The following ARHGAP18 variants were observed in gnomAD, a reference collection of about 807,000 sequenced individuals.
ARHGAP18 encodes Rho GTPase activating protein 18, also known as rho GTPase-activating protein 18.
A neutral mutation model predicts 86.2 loss-of-function variants in ARHGAP18; 67 were observed. That is an observed-to-expected ratio of 0.78 (90% confidence interval 0.64 to 0.95). The LOEUF is 0.95. Ranked by LOEUF, ARHGAP18 falls within the 40% of genes least tolerant of loss-of-function variation. ARHGAP18 has a pLI of 0.00. For synonymous variants in ARHGAP18, 283 were observed against 280.4 expected (o/e 1.01, Z -0.09); for missense variants, 691 against 780.4 (o/e 0.89, Z 1.37).
intron 1 of ARHGAP18, among the ~76,000 whole-genome samples, chr6:129,679,600 G>C (rs1774291703): frequency 6.6e-6 from 1 of 152,204 alleles, no homozygotes; most frequent in South Asian, 2.1e-4. Flanking sequence ...AAGTTAATCT[G>C]ACCATCAGAA....
chr6:129,604,747 C>G (rs1255247147), intron 10 of ARHGAP18, among the ~76,000 whole-genome samples: 1 of 152,190 alleles, frequency 6.6e-6, no homozygotes, highest in Non-Finnish European at 1.5e-5. Flanking sequence ...CTGGGTTATT[C>G]ATTTGACAAC....
At chr6:129,610,658 C>T (rs1027029898) in intron 8 of ARHGAP18, among the ~76,000 whole-genome samples, 3 of 151,996 alleles carry the variant, frequency 2.0e-5, no homozygotes, top group Non-Finnish European at 2.9e-5. Flanking sequence ...GACGAAGTCT[C>T]GCACTGTTGC....
rs113126032 is a variant in ARHGAP18, at chr6:129,603,058, T to C, written c.1366-2210A>G. ...GTTTTTGCTTACATGGGTAAGTTCT[T>C]TTGCGGTGATTTCTAAGATTTTGGT... On this transcript the variant is annotated intron_variant, in intron 10 of 14. Coordinates refer to ENST00000368149, the MANE Select transcript of ARHGAP18 (RefSeq NM_033515.3). 1.1e-3 allele frequency among the ~76,000 whole-genome samples: 161 copies of C among 151,938 alleles called. 1 individual carries two copies. Among genetic ancestry groups the C allele is most frequent in the African/African-American group, 3.7e-3 (154 of 41,460 alleles).
At chr6:129,647,634 A>C (rs1479800083) in intron 1 of ARHGAP18, among the ~76,000 whole-genome samples, 1 of 152,256 alleles carries the variant, frequency 6.6e-6, no homozygotes, top group East Asian at 1.9e-4. Context: ...CAGAAGAATA[A>C]AATTTATTTT....
rs751593310 is a variant in ARHGAP18, at chr6:129,607,849, A to G, written c.1282+44T>C. 43 of 1,535,324 alleles carry G rather than the reference A, an allele frequency of 2.8e-5. No individual in the cohort carries two copies. The South Asian group carries it at 5.2e-4, about 19-fold the overall frequency. The stretch of plus-strand genomic sequence containing the variant: ...AATGTCATTAAAACAATTAACATAG[A>G]TGGCACCAGCAGAAGGACTGCTTCA... On this transcript the variant is annotated intron_variant, in intron 9 of 14. Transcript: ENST00000368149.
chr6:129,623,797 T>C (rs991603244), intron 5 of ARHGAP18, among the ~76,000 whole-genome samples: 2 of 152,294 alleles, frequency 1.3e-5, no homozygotes, highest in Non-Finnish European at 1.5e-5. Flanking sequence ...AAAAAATACA[T>C]GGACAGATTA....
At chr6:129,602,987 T>TTATATATATATA (rs34563210) in intron 10 of ARHGAP18, among the ~76,000 whole-genome samples, 6,966 of 146,534 alleles carry the variant, frequency 0.048, 214 homozygotes, top group Non-Finnish European at 0.071. Context: ...AATTTCCCCT[T>TTATATATATATA]TATATATATA....
At chr6:129,590,006 A>T (rs1010530292) in intron 12 of ARHGAP18, among the ~76,000 whole-genome samples, 1 of 152,162 alleles carries the variant, frequency 6.6e-6, no homozygotes, top group African/African-American at 2.4e-5. Flanking sequence ...GCCAGGAAAA[A>T]GATGAAGGCC....
rs537202847 is a variant in ARHGAP18, at chr6:129,629,573, A to T, written c.617-51T>A. On this transcript the variant is annotated intron_variant, in intron 4 of 14. Coordinates refer to ENST00000368149, the MANE Select transcript of ARHGAP18 (RefSeq NM_033515.3). ...AATTCATATGCTTTATTTATTTTTT[A>T]AAAAAAATTCTAATGCATTCGCTAC... 1,713 of 1,545,566 alleles carry T rather than the reference A, an allele frequency of 1.1e-3. 5 individuals carry two copies. Among genetic ancestry groups the T allele is most frequent in the Admixed American group, 1.6e-3 (75 of 46,188 alleles).
At chr6:129,653,857 A>ACAT (rs1773770110) in intron 1 of ARHGAP18, among the ~76,000 whole-genome samples, 1 of 152,144 alleles carries the variant, frequency 6.6e-6, no homozygotes, top group Non-Finnish European at 1.5e-5. Context: ...AGCCTGGGCA[A>ACAT]CATAGTGAGA....
intron 1 of ARHGAP18, among the ~76,000 whole-genome samples, chr6:129,696,969 G>A (rs568024809): frequency 1.1e-4 from 17 of 152,248 alleles, no homozygotes; most frequent in East Asian, 7.7e-4. Context: ...CCATCCTCTC[G>A]AATCTAGGTT....
At chr6:129,602,880 A>G (rs1788775933) in intron 10 of ARHGAP18, among the ~76,000 whole-genome samples, 1 of 152,060 alleles carries the variant, frequency 6.6e-6, no homozygotes, top group African/African-American at 2.4e-5. Context: ...TACTATCAGA[A>G]TACTAGAGAA....
At chr6:129,591,301 T>G (rs1383739808) in intron 12 of ARHGAP18, among the ~76,000 whole-genome samples, 1 of 152,176 alleles carries the variant, frequency 6.6e-6, no homozygotes, top group Admixed American at 6.5e-5. Flanking sequence ...TTCACATGTT[T>G]TAATCTAAAA....
intron 1 of ARHGAP18, among the ~76,000 whole-genome samples, chr6:129,667,023 T>C (rs1774052673): frequency 6.6e-6 from 1 of 152,264 alleles, no homozygotes; most frequent in South Asian, 2.1e-4. Flanking sequence ...AAGTCTTATA[T>C]GGAATGAGAA....
chr6:129,645,484 T>A (rs1333880795), intron 1 of ARHGAP18, among the ~76,000 whole-genome samples: 10 of 152,140 alleles, frequency 6.6e-5, no homozygotes, highest in African/African-American at 1.9e-4. Context: ...AAACACACAG[T>A]TTATACCACA....
At chr6:129,607,686 C>T (rs1788882412) in intron 9 of ARHGAP18, among the ~76,000 whole-genome samples, 1 of 152,082 alleles carries the variant, frequency 6.6e-6, no homozygotes, top group Non-Finnish European at 1.5e-5. Flanking sequence ...CCAAAGAGAA[C>T]ATTCTGTTAT....
chr6:129,695,467 A>G (rs1442410792), intron 1 of ARHGAP18, among the ~76,000 whole-genome samples: 2 of 152,188 alleles, frequency 1.3e-5, no homozygotes, highest in Non-Finnish European at 2.9e-5. Flanking sequence ...AGATGTGTAA[A>G]TAGCTATAAG....
chr6:129,670,654 T>C (rs912042991), intron 1 of ARHGAP18, among the ~76,000 whole-genome samples: 3 of 151,902 alleles, frequency 2.0e-5, no homozygotes, highest in Non-Finnish European at 2.9e-5. Flanking sequence ...AGGAGACTCA[T>C]TCAGATTCAC....
In ARHGAP18 at chr6:129,638,493, T is replaced by C. The variant is rs1474756269; in HGVS notation, c.453A>G (p.Arg151=). 2 of 1,614,192 alleles carry C rather than the reference T, an allele frequency of 1.2e-6. No individual in the cohort carries two copies. Among genetic ancestry groups the C allele is most frequent in the Non-Finnish European group, 1.7e-6 (2 of 1,180,036 alleles). ...TRTQAAAVQK[R]VETVSQTLRK... is the part of the protein sequence containing the mutation. Reference sequence around the variant, plus strand: ...TCAAGGTCTGGGAGACCGTCTCTACTCGCTTCTGAACTGCTGCTGCCTGGG... The same window carrying C: ...TCAAGGTCTGGGAGACCGTCTCTACCCGCTTCTGAACTGCTGCTGCCTGGG... The change falls in exon 3 of 15, where the codon CGA becomes CGG. Residue 151 remains arginine, a synonymous_variant. Transcript: ENST00000368149.
Sources: gnomAD v4.1 joint callset for allele counts (sites outside exome capture counted in the v4.1 genomes callset) on GRCh38, gnomAD v4.1.1 for gene constraint, MANE v1.5 for transcripts, NCBI Gene and HGNC (gene_info 2026-07-23, HGNC 2026-07-21) for gene names.